Variants in ADNP observed in about 807,000 individuals in gnomAD.
ADNP encodes activity-dependent neuroprotector homeobox protein.
A neutral mutation model predicts 84.9 loss-of-function variants in ADNP; 4 were observed. The observed-to-expected ratio is 0.05, with a 90% CI of 0.02 to 0.11. ADNP has a LOEUF of 0.11. Ranked by LOEUF, ADNP falls within the 10% of genes least tolerant of loss-of-function variation. The probability of loss-of-function intolerance (pLI) is 1.00; values close to 1 mark genes in which losing one functional copy is unlikely to be tolerated. For missense variants in ADNP, 1,132 were observed against 1,326.0 expected, an observed-to-expected ratio of 0.85 and a Z score of 2.27; for synonymous variants, 554 against 468.1, an observed-to-expected ratio of 1.18 and a Z score of -2.37.
chr20:50,926,397 T>A (rs1984293448), intron 2 of ADNP, among the ~76,000 whole-genome samples: 1 of 152,252 alleles, frequency 6.6e-6, no homozygotes, highest in Admixed American at 6.5e-5. Flanking sequence ...TACTTTGGTG[T>A]AAACCACAAT....
In ADNP at chr20:50,902,064, T is replaced by C. The variant is rs997944825; in HGVS notation, c.154A>G (p.Thr52Ala). ...TCCCACAGTCCTACATCCTCCCATG[T>C]AGTGTTTTTCAAATAAAAGTCATTA... ...EPNDFYLKNT[T>A]WEDVGLWDPS... The change falls in exon 5 of 6, where the codon ACA (threonine) becomes GCA (alanine). Residue 52 changes from threonine (T) to alanine (A), a missense_variant. By Grantham distance (58) the Thr-to-Ala change is moderately conservative. Coordinates refer to ENST00000621696, the MANE Select transcript of ADNP (RefSeq NM_001282531.3). 6.2e-7 allele frequency: 1 copy of C among 1,613,928 alleles called. No individual in the cohort carries two copies. The highest frequency in any genetic ancestry group is 8.5e-7 in the Non-Finnish European group (1 of 1,179,804).
chr20:50,930,749 T>A lies in ADNP; in HGVS notation c.-265+77A>T, dbSNP rs553955963. ...GCCCGCGCCCGGGGCCAGGCTGCAC[T>A]GGCGGCCGCGCGGGCCGGGGTCGGG... On this transcript the variant is annotated intron_variant, in intron 1 of 5. Transcript: ENST00000621696. 4.0e-4 allele frequency: 60 copies of A among 151,176 alleles called. 1 individual carries two copies. The East Asian group carries it at 0.01, about 26-fold the overall frequency. 9.4% of individuals were successfully genotyped at this position (151,176 alleles called of 1,614,324 possible).
At chr20:50,918,285 T>C (rs1018688348) in intron 2 of ADNP, among the ~76,000 whole-genome samples, 11 of 152,350 alleles carry the variant, frequency 7.2e-5, no homozygotes, top group Middle Eastern at 3.4e-3. Flanking sequence ...GGGGCATTTA[T>C]CACTGATGGA....
rs892496637 is a variant in ADNP at position 50,893,301 on chromosome 20, A to C, written c.1413T>G (p.Ala471=). Residue 471 remains alanine, a synonymous_variant, in exon 6 of 6, where the codon GCT becomes GCG. Coordinates refer to ENST00000621696, the MANE Select transcript of ADNP (RefSeq NM_001282531.3). The surrounding 1 kb of genome is among the most constrained non-coding windows in gnomAD (Gnocchi z 4.4). ...AGTTGGCTACTGCTGGGACTTTCTC[A>C]GCTTTATGTTCTTTTTCGAAGTGCA... ...YSVHFEKEHK[A]EKVPAVANYI... is the part of the protein sequence containing the mutation. 4.3e-6 allele frequency: 7 copies of C among 1,614,116 alleles called. No individual in the cohort carries two copies. Among genetic ancestry groups the C allele is most frequent in the Non-Finnish European group, 5.1e-6 (6 of 1,180,052 alleles).
rs779286260 is a variant in ADNP, at chr20:50,891,655, T to G, written c.3059A>C (p.Gln1020Pro). The G allele has an allele frequency of 6.2e-7, 1 of 1,614,270 alleles. No homozygotes were observed. Among genetic ancestry groups the G allele is most frequent in the South Asian group, 1.1e-5 (1 of 91,090 alleles). Residue 1020 changes from glutamine (Q) to proline (P), a missense_variant, in exon 6 of 6, where the codon CAA (glutamine) becomes CCA (proline). Gln to Pro is a moderately conservative substitution (Grantham distance 76, BLOSUM62 -1). Transcript: ENST00000621696. ...KPAAKKKATM[Q>P]GDREQLKWKN... is the part of the protein sequence containing the mutation. ...CCATTTCAACTGCTCTCTGTCACCTTGCATGGTAGCCTTTTTTTTGGCAGC... is the reference window on the plus strand; with the variant it reads ...CCATTTCAACTGCTCTCTGTCACCTGGCATGGTAGCCTTTTTTTTGGCAGC...
Position 50,889,924 on chromosome 20 carries a change from C to T in ADNP, c.*1481G>A, listed in dbSNP as rs1489182006. 2 of 397,962 alleles carry T rather than the reference C, an allele frequency of 5.0e-6. No individual in the cohort carries two copies. The highest frequency in any genetic ancestry group is 4.1e-5 in the African/African-American group (2 of 48,320). The allele number at this position is 397,962 out of a possible 1,614,324, so 24.7% of individuals were successfully genotyped here. On this transcript the variant is annotated 3_prime_UTR_variant, in exon 6 of 6. Coordinates refer to ENST00000621696, the MANE Select transcript of ADNP (RefSeq NM_001282531.3). The stretch of plus-strand genomic sequence containing the variant: ...AGAGCCGCCTGCACTACAGTTGTTC[C>T]CATCGTAAGGTGAAAACGAACGTTT...
chr20:50,926,130 G>T (rs929896577), intron 2 of ADNP, among the ~76,000 whole-genome samples: 1 of 151,998 alleles, frequency 6.6e-6, no homozygotes. Flanking sequence ...CAAAAACTAG[G>T]GGAGGAAAAA....
chr20:50,922,578 G>GTCTT (rs1357791178), intron 2 of ADNP, among the ~76,000 whole-genome samples: 18 of 125,466 alleles, frequency 1.4e-4, no homozygotes, highest in African/African-American at 5.5e-4. Context: ...GTCCTCCTGC[G>GTCTT]TTTTTTTTTT....
In ADNP at chr20:50,930,875, ACAGCGG is replaced by A. The variant is rs1555818413; in HGVS notation, c.-320_-315del. On this transcript the variant is annotated 5_prime_UTR_variant, in exon 1 of 6. Transcript: ENST00000621696. ...CGGGGCCGGCGTGCTCGGGGGCCGG[ACAGCGG>A]CGGCGGCGGCGGGCGGATGGCGGCG... The A allele has an allele frequency of 6.9e-6, 1 of 145,536 alleles. No homozygotes were observed. The highest frequency in any genetic ancestry group is 1.5e-5 in the Non-Finnish European group (1 of 65,534). The allele number at this position is 145,536 out of a possible 1,614,324, so 9.0% of individuals were successfully genotyped here.
chr20:50,924,326 T>C (rs1041407578), intron 2 of ADNP, among the ~76,000 whole-genome samples: 9 of 152,208 alleles, frequency 5.9e-5, no homozygotes, highest in Non-Finnish European at 1.2e-4. Flanking sequence ...CTCTCCCTGC[T>C]GGGGGTGTGG....
At chr20:50,912,335 A>C (rs1330707993) in intron 2 of ADNP, among the ~76,000 whole-genome samples, 1 of 152,056 alleles carries the variant, frequency 6.6e-6, no homozygotes, top group African/African-American at 2.4e-5. Context: ...TTTTTAGCAG[A>C]GATGGGGTTT....
At chr20:50,924,797 G>C (rs987746824) in intron 2 of ADNP, among the ~76,000 whole-genome samples, 1 of 152,160 alleles carries the variant, frequency 6.6e-6, no homozygotes, top group African/African-American at 2.4e-5. Context: ...AGGGTATTAG[G>C]ATATGCAGAT....
rs1984706546 is a variant in ADNP, at chr20:50,930,956, T to G, written c.-395A>C. Reference sequence around the variant, plus strand: ...GGGCGCGCCCGGGGCCTCGTCGCGCTCCGGCTCGGCGGACTCCGGCTCGCG... The same window carrying G: ...GGGCGCGCCCGGGGCCTCGTCGCGCGCCGGCTCGGCGGACTCCGGCTCGCG... On this transcript the variant is annotated 5_prime_UTR_variant, in exon 1 of 6. Transcript: ENST00000621696. The G allele has an allele frequency of 1.4e-5, 2 of 140,758 alleles. No individual in the cohort carries two copies. Among genetic ancestry groups the G allele is most frequent in the African/African-American group, 5.2e-5 (2 of 38,364 alleles). 8.7% of individuals were successfully genotyped at this position (140,758 alleles called of 1,614,324 possible).
chr20:50,898,841 A>G (rs753887019), intron 5 of ADNP, among the ~76,000 whole-genome samples: 1 of 152,220 alleles, frequency 6.6e-6, no homozygotes, highest in Non-Finnish European at 1.5e-5. Context: ...GTACACTCTA[A>G]AATAAAAAGT....
At chr20:50,927,808 G>C (rs1329992950) in intron 2 of ADNP, among the ~76,000 whole-genome samples, 2 of 152,152 alleles carry the variant, frequency 1.3e-5, no homozygotes, top group South Asian at 2.1e-4. Context: ...TTACCACTTA[G>C]GACATCATTC....
rs148475873 is a variant in ADNP at position 50,912,277 on chromosome 20, G to A, written c.-89-7428C>T. ...TTCTCCCACCTCAGCCTCTCGAGTA[G>A]CTGGGATTACAGGCACGCGCCACCA... On this transcript the variant is annotated intron_variant, in intron 2 of 5. Transcript: ENST00000621696. Among the ~76,000 whole-genome samples, 742 of 152,198 alleles carry A rather than the reference G, an allele frequency of 4.9e-3. 5 individuals are homozygous for A. The highest frequency in any genetic ancestry group is 6.9e-3 in the Non-Finnish European group (472 of 68,010).
rs769945500 is a variant in ADNP, at chr20:50,891,770, A to G, written c.2944T>C (p.Ser982Pro). The G allele has an allele frequency of 6.2e-7, 1 of 1,614,076 alleles. No homozygotes were observed. The highest frequency in any genetic ancestry group is 1.1e-5 in the South Asian group (1 of 91,076). Reference protein sequence around the residue: ...SESGPGSQQVSDFEDNTCEMK... With the variant: ...SESGPGSQQVPDFEDNTCEMK... ...TCGCAGGTATTGTCCTCAAAGTCTG[A>G]CACTTGTTGGGATCCAGGCCCACTC... The change falls in exon 6 of 6, where the codon TCA (serine) becomes CCA (proline). Residue 982 changes from serine (S) to proline (P), a missense_variant. Physicochemically the swap from Ser to Pro is moderately conservative, Grantham distance 74. Around this residue, in one of 10 missense-constraint regions of ADNP, gnomAD observed 381 missense variants for 319.9 expected, o/e 1.19. Coordinates refer to ENST00000621696, the MANE Select transcript of ADNP (RefSeq NM_001282531.3).
At chr20:50,897,159 T>C (rs1276332666) in intron 5 of ADNP, among the ~76,000 whole-genome samples, 1 of 152,114 alleles carries the variant, frequency 6.6e-6, no homozygotes, top group African/African-American at 2.4e-5. Flanking sequence ...CAGGCTGGTC[T>C]TGAACTCCTG....
intron 2 of ADNP, among the ~76,000 whole-genome samples, chr20:50,907,548 T>G (rs141986048): frequency 1.3e-5 from 2 of 152,078 alleles, no homozygotes; most frequent in Non-Finnish European, 2.9e-5. Flanking sequence ...ATTACAGGCG[T>G]GCACCACCAT....
Sources: gnomAD v4.1 joint callset for allele counts (sites outside exome capture counted in the v4.1 genomes callset) on GRCh38, gnomAD v4.1.1 for gene constraint, gnomAD v4.1.1 regional missense constraint, Gnocchi (gnomAD v3.1) non-coding constraint, MANE v1.5 for transcripts, NCBI Gene and HGNC (gene_info 2026-07-23, HGNC 2026-07-21) for gene names.